The following OLA1 variants were observed in gnomAD, a reference collection of about 807,000 sequenced individuals.
OLA1 encodes Obg like ATPase 1.
OLA1 carries 14 observed loss-of-function variants against 48.4 expected under a neutral mutation model. That is an observed-to-expected ratio of 0.29 (90% CI 0.19 to 0.45). The LOEUF (loss-of-function observed/expected upper bound fraction) is 0.45, where lower values mean the gene tolerates loss of function less well. OLA1 is among the 20% of genes least tolerant of loss of function. The pLI, the probability that OLA1 is intolerant of heterozygous loss-of-function variation, is 1.00. For missense variants in OLA1, 325 were observed against 467.1 expected (o/e 0.70, Z 2.80); for synonymous variants, 127 against 150.4 (o/e 0.84, Z 1.14).
chr2:174,203,345 A>C (rs1282215963), intron 4 of OLA1, among the ~76,000 whole-genome samples: 1 of 152,232 alleles, frequency 6.6e-6, no homozygotes, highest in Non-Finnish European at 1.5e-5. Flanking sequence ...ATCTTTATTT[A>C]CATCAAATTC....
chr2:174,185,656 G>A (rs1305940351), intron 4 of OLA1, among the ~76,000 whole-genome samples: 2 of 152,120 alleles, frequency 1.3e-5, no homozygotes, highest in Admixed American at 6.5e-5. Flanking sequence ...GGCCGGGCAC[G>A]GTGGCTCACA....
intron 5 of OLA1, among the ~76,000 whole-genome samples, chr2:174,139,449 T>C (rs1686387344): frequency 6.6e-6 from 1 of 152,218 alleles, no homozygotes; most frequent in Non-Finnish European, 1.5e-5. Context: ...CTGTTCATGG[T>C]GCTTGTTACA....
In OLA1 at chr2:174,194,306, A is replaced by T. The variant is rs978467680; in HGVS notation, c.373+28727T>A. Among the ~76,000 whole-genome samples, 21 of 152,206 alleles carry T rather than the reference A, an allele frequency of 1.4e-4. 1 individual carries two copies. Among genetic ancestry groups the T allele is most frequent in the African/African-American group, 5.1e-4 (21 of 41,456 alleles). On this transcript the variant is annotated intron_variant, in intron 4 of 10. Coordinates refer to ENST00000284719, the MANE Select transcript of OLA1 (RefSeq NM_013341.5). ...CCCAATTTCTGCAGCCTTCACGGAC[A>T]TCACAAATTCTTGCTGGCCTGGACT... is the stretch of plus-strand genomic sequence containing the variant.
intron 5 of OLA1, among the ~76,000 whole-genome samples, chr2:174,124,722 T>C (rs1380094772): frequency 6.6e-6 from 1 of 152,252 alleles, no homozygotes; most frequent in Non-Finnish European, 1.5e-5. Context: ...TGTAACACAA[T>C]TATTAGTAAT....
intron 4 of OLA1, among the ~76,000 whole-genome samples, chr2:174,208,941 G>A (rs1486856219): frequency 6.6e-6 from 1 of 152,148 alleles, no homozygotes; most frequent in Non-Finnish European, 1.5e-5. Flanking sequence ...TCATGTCTAC[G>A]TCTTTCAAGT....
chr2:174,113,137 G>A (rs1685696191), intron 7 of OLA1, among the ~76,000 whole-genome samples: 1 of 152,054 alleles, frequency 6.6e-6, no homozygotes, highest in South Asian at 2.1e-4. Context: ...TAGAGATGGG[G>A]TTTCACCATG....
intron 7 of OLA1, among the ~76,000 whole-genome samples, chr2:174,086,620 G>C (rs1270217873): frequency 6.6e-6 from 1 of 152,040 alleles, no homozygotes; most frequent in Admixed American, 6.6e-5. Flanking sequence ...ATTAAGGGAC[G>C]CTTGAACACA....
intron 4 of OLA1, among the ~76,000 whole-genome samples, chr2:174,155,519 C>T (rs949986041): frequency 3.3e-5 from 5 of 152,182 alleles, no homozygotes; most frequent in Non-Finnish European, 7.3e-5. Context: ...AAACTACAGA[C>T]TGCAATAGAA....
rs5836451 is a variant in OLA1, at chr2:174,156,578, CTTTTTTTTTTTT to C, written c.374-14590_374-14579del. Among the ~76,000 whole-genome samples the C allele has an allele frequency of 5.3e-3, 395 of 74,232 alleles. 2 individuals are homozygous for C. Among genetic ancestry groups the C allele is most frequent in the Middle Eastern group, 0.015 (2 of 132 alleles). 48.7% of individuals were successfully genotyped at this position (74,232 alleles called of 152,430 possible). A position where few individuals can be genotyped will look rare whatever the true frequency, so the allele number is the denominator to read the frequency against. The stretch of plus-strand genomic sequence containing the variant: ...ATGCTGGCTTGTTTGCTCCCACACT[CTTTTTTTTTTTT>C]TTTTTTTTTTTGAGATGGAGTTTTG... On this transcript the variant is annotated intron_variant, in intron 4 of 10. Coordinates refer to ENST00000284719, the MANE Select transcript of OLA1 (RefSeq NM_013341.5).
chr2:174,080,939 T>C lies in OLA1; in HGVS notation c.966+213A>G, dbSNP rs1275176805. The C allele has an allele frequency of 1.4e-5, 7 of 493,402 alleles. 1 individual carries two copies. The highest frequency in any genetic ancestry group is 2.2e-5 in the Non-Finnish European group (6 of 275,104). The allele number at this position is 493,402 out of a possible 1,614,324, so 30.6% of individuals were successfully genotyped here. A position where few individuals can be genotyped will look rare whatever the true frequency, so the allele number is the denominator to read the frequency against. On this transcript the variant is annotated intron_variant, in intron 9 of 10. Coordinates refer to ENST00000284719, the MANE Select transcript of OLA1 (RefSeq NM_013341.5). ...CTACAGGATGAAGAAATTCAGACTA[T>C]GTAATAGGCAGAATCAATTGTTACC... is the stretch of plus-strand genomic sequence containing the variant.
At position 174,163,518 on chromosome 2, in the gene OLA1, G is replaced by A. The variant is rs371716890; in HGVS notation, c.374-21518C>T. ...GCCTGGCCAACATGGTGAAACCCCC[G>A]TCTCTACTAAAACTACGAAAATTAG... On this transcript the variant is annotated intron_variant, in intron 4 of 10. Transcript: ENST00000284719. Among the ~76,000 whole-genome samples, 290 of 151,116 alleles carry A rather than the reference G, an allele frequency of 1.9e-3. 1 individual carries two copies. Among genetic ancestry groups the A allele is most frequent in the African/African-American group, 6.5e-3 (269 of 41,198 alleles).
chr2:174,155,188 A>T (rs1686845523), intron 4 of OLA1, among the ~76,000 whole-genome samples: 1 of 152,104 alleles, frequency 6.6e-6, no homozygotes. Flanking sequence ...TGTGTATCTT[A>T]AGTGTCTTTC....
At chr2:174,156,530 G>C (rs1487478380) in intron 4 of OLA1, among the ~76,000 whole-genome samples, 1 of 150,474 alleles carries the variant, frequency 6.6e-6, no homozygotes, top group African/African-American at 2.4e-5. Context: ...GATTTTCAGA[G>C]ACGTATTCTT....
chr2:174,113,770 C>A (rs895975682), intron 7 of OLA1, among the ~76,000 whole-genome samples: 2 of 152,140 alleles, frequency 1.3e-5, no homozygotes, highest in Non-Finnish European at 2.9e-5. Flanking sequence ...CTTGTACTGT[C>A]GCTTAGCTGT....
At chr2:174,149,626 C>T (rs1450901110) in intron 4 of OLA1, among the ~76,000 whole-genome samples, 1 of 152,200 alleles carries the variant, frequency 6.6e-6, no homozygotes, top group Non-Finnish European at 1.5e-5. Context: ...CTGAGGTCCA[C>T]TCAAAACAGA....
chr2:174,197,979 T>C (rs1422672076), intron 4 of OLA1, among the ~76,000 whole-genome samples: 1 of 152,236 alleles, frequency 6.6e-6, no homozygotes, highest in Non-Finnish European at 1.5e-5. Context: ...TTTTGTTTTG[T>C]TTTGAGATGG....
At chr2:174,194,590 G>A (rs966643655) in intron 4 of OLA1, among the ~76,000 whole-genome samples, 15 of 152,122 alleles carry the variant, frequency 9.9e-5, no homozygotes, top group African/African-American at 3.6e-4. Flanking sequence ...ATTTCCCGAT[G>A]ACTGGTCTAT....
intron 1 of OLA1, chr2:174,247,609 C>T (rs964341021): frequency 1.9e-6 from 3 of 1,547,786 alleles, no homozygotes; most frequent in African/African-American, 2.7e-5. Context: ...CCTCTATAAT[C>T]TGGAATCTTA....
At chr2:174,225,860 A>G (rs1386226541) in intron 3 of OLA1, among the ~76,000 whole-genome samples, 1 of 152,188 alleles carries the variant, frequency 6.6e-6, no homozygotes, top group African/African-American at 2.4e-5. Context: ...AGGAAACTAG[A>G]CAGGAAGATA....
Sources: allele counts gnomAD v4.1 joint callset (sites outside exome capture counted in the v4.1 genomes callset), GRCh38; gene constraint gnomAD v4.1.1; transcripts MANE v1.5; gene names NCBI Gene and HGNC (gene_info 2026-07-23, HGNC 2026-07-21).